The following POR variants were observed in gnomAD, a reference collection of about 807,000 sequenced individuals.
The protein encoded by POR is NADPH--cytochrome P450 reductase.
A neutral mutation model predicts 84.0 loss-of-function variants in POR; 56 were observed. The ratio of observed to expected loss-of-function variants is 0.67; its 90% CI spans 0.54 to 0.83. The LOEUF (loss-of-function observed/expected upper bound fraction) is 0.83. POR is among the 40% of genes least tolerant of loss of function. POR has a pLI of 0.00. For missense variants in POR, 938 were observed against 944.3 expected, an observed-to-expected ratio of 0.99 and a Z score of 0.09; for synonymous variants, 414 against 400.5, an observed-to-expected ratio of 1.03 and a Z score of -0.40.
chr7:75,921,265 C>CT (rs55776717), intron 1 of POR: 66 of 112,992 alleles, frequency 5.8e-4, no homozygotes, highest in East Asian at 1.4e-3. Flanking sequence ...AGTTTTTAGT[C>CT]TTTTTTTTTT....
chr7:75,954,270 G>A lies in POR; in HGVS notation c.188+90G>A. 2.2e-6 allele frequency: 3 copies of A among 1,347,392 alleles called. No individual in the cohort carries two copies. In the South Asian group the frequency reaches 4.0e-5, roughly 18 times the overall value. The allele number at this position is 1,347,392 out of a possible 1,614,324, so 83.5% of individuals were successfully genotyped here. ...GCATGCGGGCCTCAGGCTGAAAGAA[G>A]CAAGGCTCCTTGTAGCATTTTGGGG... On this transcript the variant is annotated intron_variant, in intron 2 of 15. Transcript: ENST00000461988.
rs1483211903 is a variant in POR, at chr7:75,923,568, A to G, written c.-5+8389A>G. The G allele has an allele frequency of 2.5e-5, 9 of 353,986 alleles. 1 individual carries two copies. Among genetic ancestry groups the G allele is most frequent in the Middle Eastern group, 9.4e-4 (1 of 1,068 alleles). 21.9% of individuals were successfully genotyped at this position (353,986 alleles called of 1,614,324 possible). On this transcript the variant is annotated intron_variant, in intron 1 of 15. Coordinates refer to ENST00000461988, the MANE Select transcript of POR (RefSeq NM_000941.3). ...AAGATTATTTCCTGCTTTATCTTCA[A>G]AAACTGTAAAGGAAGGGTCAAAGGA...
At chr7:75,961,771 C>T (rs782626076) in intron 2 of POR, among the ~76,000 whole-genome samples, 5 of 152,146 alleles carry the variant, frequency 3.3e-5, no homozygotes, top group African/African-American at 4.8e-5. Flanking sequence ...CCCAGCACTT[C>T]GGGAGGCTGA....
chr7:75,916,726 GA>G (rs1240173695), intron 1 of POR, among the ~76,000 whole-genome samples: 1 of 152,174 alleles, frequency 6.6e-6, no homozygotes, highest in Non-Finnish European at 1.5e-5. Flanking sequence ...AGCACTTGAA[GA>G]AATAATAGGT....
chr7:75,959,386 A>G (rs12537277), intron 2 of POR, among the ~76,000 whole-genome samples: 104,914 of 151,974 alleles, frequency 0.69, 36,441 homozygotes, highest in East Asian at 0.78. Context: ...GCTTAGTGTG[A>G]GGAAGGTATG....
chr7:75,930,764 C>T (rs782432248), intron 1 of POR, among the ~76,000 whole-genome samples: 14 of 152,168 alleles, frequency 9.2e-5, no homozygotes, highest in East Asian at 1.9e-4. Context: ...TCAGGTGATC[C>T]GCCCACCTCG....
chr7:75,916,025 C>CTTGAG (rs1554548026), intron 1 of POR, among the ~76,000 whole-genome samples: 12 of 152,178 alleles, frequency 7.9e-5, no homozygotes, highest in Non-Finnish European at 1.8e-4. Context: ...CTTGCCTTGC[C>CTTGAG]TTGCCTCTGA....
chr7:75,940,680 A>G (rs546667393), intron 1 of POR, among the ~76,000 whole-genome samples: 15 of 152,082 alleles, frequency 9.9e-5, no homozygotes, highest in African/African-American at 3.6e-4. Context: ...GCTACTCAGG[A>G]GGCTAAGGAA....
chr7:75,979,306 C>T (rs1585126767), intron 3 of POR, 145 bp from the exon 4 acceptor site: 1 of 967,906 alleles, frequency 1.0e-6, no homozygotes, highest in Non-Finnish European at 1.5e-6. Context: ...AAGCAAGTCC[C>T]AGAGGAACTT....
At position 75,986,214 on chromosome 7, in the gene POR, A is replaced by G; in HGVS notation, c.1871A>G (p.Glu624Gly). 6.2e-7 allele frequency: 1 copy of G among 1,612,624 alleles called. No individual in the cohort carries two copies. The highest frequency in any genetic ancestry group is 1.1e-5 in the South Asian group (1 of 91,072). The change falls in exon 15 of 16, where the codon GAA becomes GGA. Residue 624 changes from glutamate to glycine, a missense_variant. Glu to Gly is a moderately conservative substitution (Grantham distance 98). Transcript: ENST00000461988. ...CGAGAGCACCTGTGGAAGTTGATCG[A>G]AGGCGGTGCCCACATCTACGTCTGT...
chr7:75,916,057 A>C (rs553272770), intron 1 of POR, among the ~76,000 whole-genome samples: 1 of 152,212 alleles, frequency 6.6e-6, no homozygotes, highest in South Asian at 2.1e-4. Context: ...CTGGAGAATG[A>C]TGCCAGCACA....
intron 1 of POR, chr7:75,943,632 C>T: frequency 3.9e-6 from 1 of 259,702 alleles, no homozygotes; most frequent in South Asian, 3.5e-5. Flanking sequence ...GATTCCATTT[C>T]AGATTGTACT....
At chr7:75,915,480 C>G (rs568317156) in intron 1 of POR, 1 of 152,310 alleles carries the variant, frequency 6.6e-6, no homozygotes, top group Non-Finnish European at 1.5e-5. Flanking sequence ...GGCTCGGTAT[C>G]TCAGGGCTCG....
chr7:75,933,380 T>TG (rs1807512980), intron 1 of POR, among the ~76,000 whole-genome samples: 1 of 84,522 alleles, frequency 1.2e-5, no homozygotes, highest in Non-Finnish European at 2.0e-5. Flanking sequence ...GTCTTTGTTT[T>TG]TTTTTTTTTT....
In POR at chr7:75,984,641, A is replaced by G. The variant is rs1554558721; in HGVS notation, c.1067-136A>G. ...CAGGGCCAGGGAGGCATCAGAGAGC[A>G]TAGGCCTTGTTTCCAGCACCAGCTG... On this transcript the variant is annotated intron_variant, in intron 10 of 15. Coordinates refer to ENST00000461988, the MANE Select transcript of POR (RefSeq NM_000941.3). 3.9e-6 allele frequency: 3 copies of G among 764,870 alleles called. No homozygotes were observed. In the Admixed American group the frequency reaches 6.3e-5, roughly 16 times the overall value. The allele number at this position is 764,870 out of a possible 1,614,324, so 47.4% of individuals were successfully genotyped here.
At chr7:75,977,607 C>T (rs1554557031) in intron 3 of POR, among the ~76,000 whole-genome samples, 2 of 152,154 alleles carry the variant, frequency 1.3e-5, no homozygotes, top group African/African-American at 4.8e-5. Flanking sequence ...GAAACCCAGT[C>T]TCTACTAAAA....
chr7:75,941,417 A>C (rs533802587), intron 1 of POR, among the ~76,000 whole-genome samples: 4 of 152,196 alleles, frequency 2.6e-5, no homozygotes, highest in African/African-American at 7.2e-5. Context: ...CCAGCTCCAT[A>C]TTGCTTTGTG....
At chr7:75,985,021 G>A (rs782759993) in intron 11 of POR, 37 bp from the exon 12 acceptor site, 25 of 1,582,456 alleles carry the variant, frequency 1.6e-5, no homozygotes, top group Non-Finnish European at 2.1e-5. Context: ...AGCTCCGTGG[G>A]CCCCAATCAG....
intron 1 of POR, among the ~76,000 whole-genome samples, chr7:75,929,920 G>A (rs760597429): frequency 6.6e-6 from 1 of 152,174 alleles, no homozygotes; most frequent in Non-Finnish European, 1.5e-5. Context: ...GAACCATCAA[G>A]ACCATTATGG....
Sources: gnomAD v4.1 joint callset for allele counts (sites outside exome capture counted in the v4.1 genomes callset) on GRCh38, gnomAD v4.1.1 for gene constraint, MANE v1.5 for transcripts, NCBI Gene and HGNC (gene_info 2026-07-23, HGNC 2026-07-21) for gene names.